FBXO16: variants seen among roughly 807,000 people sequenced by gnomAD.
FBXO16 encodes the protein F-box protein 16.
A neutral mutation model predicts 41.0 loss-of-function variants in FBXO16; 31 were observed. The ratio of observed to expected loss-of-function variants is 0.76; its 90% CI spans 0.57 to 1.02. The LOEUF (loss-of-function observed/expected upper bound fraction) is 1.02. Among genes scored for constraint, FBXO16 ranks in the 50% least tolerant of loss-of-function variants. The probability of loss-of-function intolerance (pLI) is 0.00; values close to 1 mark genes in which losing one functional copy is unlikely to be tolerated. For missense variants in FBXO16, 361 were observed against 346.2 expected (o/e 1.04, Z -0.34); for synonymous variants, 133 against 117.8 (o/e 1.13, Z -0.84).
chr8:28,471,726 G>C (rs1219547150), intron 3 of FBXO16, among the ~76,000 whole-genome samples: 2 of 143,644 alleles, frequency 1.4e-5, no homozygotes, highest in Non-Finnish European at 3.0e-5. Context: ...TAAGCATCAA[G>C]GAATGTATAA....
At chr8:28,479,212 G>C (rs751673899) in intron 2 of FBXO16, among the ~76,000 whole-genome samples, 31 of 152,122 alleles carry the variant, frequency 2.0e-4, no homozygotes, top group Non-Finnish European at 3.7e-4. Context: ...GCAGCTTCAG[G>C]AAGTCCTATG....
chr8:28,446,148 T>C (rs978507253), intron 7 of FBXO16, among the ~76,000 whole-genome samples: 1 of 151,434 alleles, frequency 6.6e-6, no homozygotes, highest in African/African-American at 2.4e-5. Flanking sequence ...AATTCATTTT[T>C]TCCAAAGTTA....
At chr8:28,449,617 C>T (rs1433320048) in intron 6 of FBXO16, among the ~76,000 whole-genome samples, 1 of 152,082 alleles carries the variant, frequency 6.6e-6, no homozygotes, top group African/African-American at 2.4e-5. Flanking sequence ...GCCACCACAC[C>T]TGGCCTGATC....
intron 7 of FBXO16, among the ~76,000 whole-genome samples, chr8:28,434,435 CT>C (rs1306683298): frequency 5.3e-5 from 8 of 152,322 alleles, no homozygotes; most frequent in Admixed American, 3.3e-4. Context: ...ATGACAGCAC[CT>C]GCTTTGTGCC....
Position 28,483,366 on chromosome 8 carries a change from ATGG to A in FBXO16, c.78_80del (p.His27del). 1 of 1,612,852 alleles carries A rather than the reference ATGG, an allele frequency of 6.2e-7. No individual in the cohort carries two copies. Among genetic ancestry groups the A allele is most frequent in the Non-Finnish European group, 8.5e-7 (1 of 1,179,598 alleles). ...CACTTACCCGGTCATTCAATAGCTG[ATGG>A]TTTAGGGGTGTCCAGGTGCTCATCT... On this transcript the variant is annotated inframe_deletion, in exon 2 of 9. Coordinates refer to ENST00000380254, the MANE Select transcript of FBXO16 (RefSeq NM_172366.4).
chr8:28,437,220 T>C (rs941908201), intron 7 of FBXO16, among the ~76,000 whole-genome samples: 2 of 152,192 alleles, frequency 1.3e-5, no homozygotes, highest in Admixed American at 6.5e-5. Flanking sequence ...TAAAAACAAA[T>C]AGCCATTTGG....
chr8:28,483,711 G>A (rs754957030), intron 1 of FBXO16, among the ~76,000 whole-genome samples: 1 of 152,068 alleles, frequency 6.6e-6, no homozygotes, highest in East Asian at 1.9e-4. Flanking sequence ...ATAGCCGGGC[G>A]TGGTGGTGCA....
At chr8:28,436,682 A>C (rs1389929594) in intron 7 of FBXO16, among the ~76,000 whole-genome samples, 1 of 152,212 alleles carries the variant, frequency 6.6e-6, no homozygotes, top group East Asian at 1.9e-4. Flanking sequence ...CTTCCAGTGT[A>C]GTTTGTGGTG....
chr8:28,475,331 T>C (rs1163257683), intron 2 of FBXO16, among the ~76,000 whole-genome samples: 2 of 152,194 alleles, frequency 1.3e-5, no homozygotes, highest in Non-Finnish European at 2.9e-5. Context: ...GTTTTGCTCT[T>C]GGCCAGGGAA....
rs560594845 is a variant in FBXO16, at chr8:28,453,992, C to T, written c.508-1516G>A. Among the ~76,000 whole-genome samples the T allele has an allele frequency of 4.2e-3, 638 of 151,942 alleles. 5 individuals are homozygous for T. The highest frequency in any genetic ancestry group is 9.5e-3 in the South Asian group (46 of 4,826). On this transcript the variant is annotated intron_variant, in intron 5 of 8. Coordinates refer to ENST00000380254, the MANE Select transcript of FBXO16 (RefSeq NM_172366.4). ...CAGTCTGGCCAACATGGTGAAACCCCGTCTCTACGGAAAATACAAAAAAAT... is the reference window on the plus strand; with the variant it reads ...CAGTCTGGCCAACATGGTGAAACCCTGTCTCTACGGAAAATACAAAAAAAT...
intron 7 of FBXO16, among the ~76,000 whole-genome samples, chr8:28,431,225 C>T (rs1245693919): frequency 1.3e-5 from 2 of 152,180 alleles, no homozygotes; most frequent in Non-Finnish European, 2.9e-5. Context: ...CTCCCCTGCT[C>T]TCCTCTCCTC....
intron 4 of FBXO16, among the ~76,000 whole-genome samples, chr8:28,462,794 T>C (rs1207126030): frequency 3.3e-5 from 5 of 152,222 alleles, no homozygotes; most frequent in Non-Finnish European, 7.3e-5. Flanking sequence ...TTCCAAGGCC[T>C]GTATGAGCAC....
At chr8:28,480,375 G>A (rs145671969) in intron 2 of FBXO16, among the ~76,000 whole-genome samples, 1 of 152,170 alleles carries the variant, frequency 6.6e-6, no homozygotes, top group Admixed American at 6.5e-5. Flanking sequence ...TGAGTTTAGA[G>A]GGGCAGAGGG....
intron 7 of FBXO16, among the ~76,000 whole-genome samples, chr8:28,434,232 A>G (rs1802653692): frequency 6.6e-6 from 1 of 152,180 alleles, no homozygotes; most frequent in Non-Finnish European, 1.5e-5. Flanking sequence ...AAGTGCTGGG[A>G]TTACAGGTGT....
At chr8:28,478,264 T>G (rs1055832963) in intron 2 of FBXO16, among the ~76,000 whole-genome samples, 2 of 152,164 alleles carry the variant, frequency 1.3e-5, no homozygotes, top group South Asian at 4.1e-4. Context: ...AAAGAACCAA[T>G]GAGTACTGTG....
At chr8:28,461,643 G>A (rs1358901044) in intron 4 of FBXO16, among the ~76,000 whole-genome samples, 1 of 148,940 alleles carries the variant, frequency 6.7e-6, no homozygotes, top group Non-Finnish European at 1.5e-5. Flanking sequence ...TTTTTTCCCT[G>A]CCTACTGTTT....
intron 7 of FBXO16, among the ~76,000 whole-genome samples, chr8:28,434,627 C>G (rs972690796): frequency 6.6e-6 from 1 of 152,196 alleles, no homozygotes; most frequent in Non-Finnish European, 1.5e-5. Flanking sequence ...TTCACCTCCT[C>G]CCTTTAAAAA....
intron 4 of FBXO16, among the ~76,000 whole-genome samples, chr8:28,460,245 A>ATATATTTTTTTT (rs1477457728): frequency 5.9e-5 from 5 of 85,442 alleles, no homozygotes; most frequent in African/African-American, 3.2e-4. Context: ...ATATATATAT[A>ATATATTTTTTTT]TTTTTTTTTT....
At chr8:28,455,095 T>TG (rs1383360917) in intron 5 of FBXO16, among the ~76,000 whole-genome samples, 46 of 146,012 alleles carry the variant, frequency 3.2e-4, no homozygotes, top group African/African-American at 1.1e-3. Flanking sequence ...TTTTTTTTTT[T>TG]GAGACAGTCT....
Sources: allele counts gnomAD v4.1 joint callset (sites outside exome capture counted in the v4.1 genomes callset), GRCh38; gene constraint gnomAD v4.1.1; transcripts MANE v1.5; gene names NCBI Gene and HGNC (gene_info 2026-07-23, HGNC 2026-07-21).